Variants in GRID2IP observed in about 807,000 individuals in gnomAD.
GRID2IP encodes delphilin.
A neutral mutation model predicts 114.3 loss-of-function variants in GRID2IP; 78 were observed. That is an observed-to-expected ratio of 0.68 (90% CI 0.57 to 0.82). The LOEUF is 0.82. GRID2IP is among the 40% of genes least tolerant of loss of function. The pLI, the probability that GRID2IP is intolerant of heterozygous loss-of-function variation, is 0.00. For synonymous variants in GRID2IP, 809 were observed against 724.0 expected (o/e 1.12, Z -1.89); for missense variants, 1,727 against 1,678.5 (o/e 1.03, Z -0.51).
At chr7:6,510,457 T>C (rs753832350) in intron 10 of GRID2IP, 57 bp from the exon 11 acceptor site, 4 of 1,403,778 alleles carry the variant, frequency 2.8e-6, no homozygotes, top group East Asian at 2.6e-5. Flanking sequence ...AGCCCTAATG[T>C]GGTCCAGGCC....
chr7:6,519,450 C>CTT lies in GRID2IP; in HGVS notation c.1268+1126_1268+1127dup, dbSNP rs980401873. 1.3e-5 allele frequency among the ~76,000 whole-genome samples: 2 copies of CTT among 152,138 alleles called. No individual in the cohort carries two copies. Among genetic ancestry groups the CTT allele is most frequent in the African/African-American group, 4.8e-5 (2 of 41,522 alleles). On this transcript the variant is annotated intron_variant, in intron 7 of 21. Coordinates refer to ENST00000457091, the MANE Select transcript of GRID2IP (RefSeq NM_001145118.2). The surrounding 1 kb of genome is among the most constrained non-coding windows in gnomAD (Gnocchi z 4.1). ...GGGTAACATAGTGAGACCTCCCCAT[C>CTT]TTTTTTAAAAAACAAAACCAAACCA...
Position 6,508,064 on chromosome 7 carries a change from C to G in GRID2IP, c.2465G>C (p.Arg822Pro), listed in dbSNP as rs1366413255. The G allele has an allele frequency of 3.9e-6, 6 of 1,545,574 alleles. No homozygotes were observed. Among genetic ancestry groups the G allele is most frequent in the Non-Finnish European group, 5.2e-6 (6 of 1,145,580 alleles). ...PMLSRGLGHR[R>P]SETSHMSVKR... The stretch of plus-strand genomic sequence containing the variant: ...GACGCTCATGTGGCTGGTCTCACTG[C>G]GCCGGTGGCCCAGGCCCCGGGACAG... Residue 822 changes from arginine to proline, a missense_variant, in exon 13 of 22, where the codon CGC (arginine) becomes CCC (proline). Coordinates refer to ENST00000457091, the MANE Select transcript of GRID2IP (RefSeq NM_001145118.2). The surrounding 1 kb of genome is among the most constrained non-coding windows in gnomAD (Gnocchi z 5.6).
rs967350537 is a variant in GRID2IP, at chr7:6,551,166, G to A, written c.271C>T (p.Pro91Ser). The part of the protein sequence containing the change: ...VLPAPDGGPG[P>S]GSGPAAPTTV... The stretch of plus-strand genomic sequence containing the variant: ...GTCGGGGCCGCGGGGCCGGATCCTG[G>A]GCCGGGGCCACCGTCGGGAGCCGGG... Residue 91 changes from proline (P) to serine (S), a missense_variant, in exon 1 of 22, where the codon CCA becomes TCA. Pro to Ser is a moderately conservative substitution (Grantham distance 74). Transcript: ENST00000457091. The A allele has an allele frequency of 2.9e-6, 4 of 1,357,550 alleles. No homozygotes were observed. The highest frequency in any genetic ancestry group is 3.8e-6 in the Non-Finnish European group (4 of 1,063,204). The allele number at this position is 1,357,550 out of a possible 1,614,324, so 84.1% of individuals were successfully genotyped here. A position where few individuals can be genotyped will look rare whatever the true frequency, so the allele number is the denominator to read the frequency against.
intron 1 of GRID2IP, among the ~76,000 whole-genome samples, chr7:6,545,843 G>T (rs189021283): frequency 1.3e-5 from 2 of 152,206 alleles, no homozygotes; most frequent in African/African-American, 4.8e-5. Flanking sequence ...AGCACCAGCC[G>T]CCCCCTCCCC....
intron 2 of GRID2IP, among the ~76,000 whole-genome samples, chr7:6,535,174 C>T (rs553441581): frequency 5.3e-5 from 8 of 151,972 alleles, no homozygotes; most frequent in African/African-American, 1.2e-4. Context: ...TGTGAGCCAC[C>T]GCGCCGGGCC....
intron 2 of GRID2IP, among the ~76,000 whole-genome samples, chr7:6,530,052 G>C (rs1475219601): frequency 6.6e-6 from 1 of 151,080 alleles, no homozygotes; most frequent in Non-Finnish European, 1.5e-5. Context: ...TCCGCCTCCA[G>C]GATTCATGCC....
chr7:6,506,617 T>C lies in GRID2IP; in HGVS notation c.2545-710A>G, dbSNP rs1270484242. On this transcript the variant is annotated intron_variant, in intron 13 of 21. Coordinates refer to ENST00000457091, the MANE Select transcript of GRID2IP (RefSeq NM_001145118.2). This position sits in a 1 kb window ranked among gnomAD's most constrained non-coding sequence, Gnocchi z 5.2. ...CAATACTTGAAGATCGGTCCAAGGCTGGCAGGAGTGAGGTCTCCAGGGGAC... is the reference window on the plus strand; with the variant it reads ...CAATACTTGAAGATCGGTCCAAGGCCGGCAGGAGTGAGGTCTCCAGGGGAC... Among the ~76,000 whole-genome samples the C allele has an allele frequency of 6.6e-6, 1 of 151,268 alleles. No individual in the cohort carries two copies. Among genetic ancestry groups the C allele is most frequent in the African/African-American group, 2.4e-5 (1 of 41,160 alleles).
chr7:6,529,961 C>CTCTT (rs755576759), intron 2 of GRID2IP, among the ~76,000 whole-genome samples: 1 of 111,836 alleles, frequency 8.9e-6, no homozygotes, highest in African/African-American at 4.0e-5. Flanking sequence ...CTCTCTCTCT[C>CTCTT]TTTTTTTTTT....
At position 6,526,289 on chromosome 7, in the gene GRID2IP, C is replaced by G. The variant is rs777418726; in HGVS notation, c.854G>C (p.Gly285Ala). Residue 285 changes from glycine to alanine, a missense_variant, in exon 4 of 22, where the codon GGC becomes GCC. By Grantham distance (60) the Gly-to-Ala change is moderately conservative (BLOSUM62 0). Coordinates refer to ENST00000457091, the MANE Select transcript of GRID2IP (RefSeq NM_001145118.2). The surrounding 1 kb of genome is among the most constrained non-coding windows in gnomAD (Gnocchi z 7.6). ...GARRTVRVYK[G>A]NKSFGFTLRG... is the part of the protein sequence containing the mutation. The stretch of plus-strand genomic sequence containing the variant: ...AAGTGTGAAGCCGAAGCTCTTGTTG[C>G]CTTTGTAGACTCGGACAGTCCTGGG... The G allele has an allele frequency of 1.6e-5, 25 of 1,551,998 alleles. No homozygotes were observed. The highest frequency in any genetic ancestry group is 1.8e-5 in the Non-Finnish European group (21 of 1,147,060).
rs900114249 is a variant in GRID2IP at position 6,521,350 on chromosome 7, C to T, written c.1084+79G>A. ...GGTTTAGGGGAAGAGCTGAGTCCTC[C>T]GCACTGTGACTCTCACATATAGCAG... On this transcript the variant is annotated intron_variant, in intron 6 of 21. Transcript: ENST00000457091. The surrounding 1 kb of genome is among the most constrained non-coding windows in gnomAD (Gnocchi z 4.1). The T allele has an allele frequency of 1.7e-5, 18 of 1,038,846 alleles. No individual in the cohort carries two copies. The highest frequency in any genetic ancestry group is 2.5e-5 in the Admixed American group (1 of 39,622). 64.4% of individuals were successfully genotyped at this position (1,038,846 alleles called of 1,614,324 possible).
chr7:6,541,055 T>C (rs1310301172), intron 1 of GRID2IP, among the ~76,000 whole-genome samples: 1 of 150,264 alleles, frequency 6.7e-6, no homozygotes, highest in Admixed American at 7.0e-5. Context: ...CTAATTAAAT[T>C]TTTTTTTTCT....
rs760004265 is a variant in GRID2IP, at chr7:6,510,412, C to T, written c.1654-12G>A. ...TAGACGGCTGACATCTGGAGGGAGA[C>T]GGGGGAGAGTCCAGCCCATTCTGCT... On this transcript the variant is annotated splice_polypyrimidine_tract_variant and intron_variant, in intron 10 of 21. Coordinates refer to ENST00000457091, the MANE Select transcript of GRID2IP (RefSeq NM_001145118.2). 27 of 1,507,270 alleles carry T rather than the reference C, an allele frequency of 1.8e-5. No homozygotes were observed. Among genetic ancestry groups the T allele is most frequent in the East Asian group, 1.0e-4 (4 of 39,850 alleles). 93.4% of individuals were successfully genotyped at this position (1,507,270 alleles called of 1,614,324 possible). A position where few individuals can be genotyped will look rare whatever the true frequency, so the allele number is the denominator to read the frequency against.
chr7:6,533,674 CTTTTT>C (rs1179952257), intron 2 of GRID2IP, among the ~76,000 whole-genome samples: 2 of 135,500 alleles, frequency 1.5e-5, no homozygotes, highest in African/African-American at 5.5e-5. Context: ...CATTTTTAAA[CTTTTT>C]TTTTTTTTTT....
intron 14 of GRID2IP, 78 bp downstream of exon 14, chr7:6,505,741 GC>G: frequency 1.1e-6 from 1 of 884,676 alleles, no homozygotes; most frequent in Non-Finnish European, 1.8e-6. Flanking sequence ...AGTCAGTGCA[GC>G]CCTGGGAGAT....
At position 6,509,997 on chromosome 7, in the gene GRID2IP, T is replaced by G. The variant is rs1786720364; in HGVS notation, c.1771+286A>C. On this transcript the variant is annotated intron_variant, in intron 11 of 21. Transcript: ENST00000457091. The surrounding 1 kb of genome is among the most constrained non-coding windows in gnomAD (Gnocchi z 4.9). ...GCATATGCAACCATGCCCAGCTAAT[T>G]TTGTATTTTTTTTGTTAGAGATGGG... 6.6e-6 allele frequency among the ~76,000 whole-genome samples: 1 copy of G among 152,054 alleles called. No homozygotes were observed. Among genetic ancestry groups the G allele is most frequent in the South Asian group, 2.1e-4 (1 of 4,830 alleles).
rs1583336976 is a variant in GRID2IP, at chr7:6,509,395, C to T, written c.1772-82G>A. 1.6e-6 allele frequency: 2 copies of T among 1,259,354 alleles called. No individual in the cohort carries two copies. Among genetic ancestry groups the T allele is most frequent in the East Asian group, 2.8e-5 (1 of 35,100 alleles). The allele number at this position is 1,259,354 out of a possible 1,614,324, so 78.0% of individuals were successfully genotyped here. ...GCAAGCTGGAGAGAGGGTCCTAGGACAGACTGGCTCTGTGTCCCAGGCCAC... is the reference window on the plus strand; with the variant it reads ...GCAAGCTGGAGAGAGGGTCCTAGGATAGACTGGCTCTGTGTCCCAGGCCAC... On this transcript the variant is annotated intron_variant, in intron 11 of 21. Transcript: ENST00000457091. The surrounding 1 kb of genome is among the most constrained non-coding windows in gnomAD (Gnocchi z 4.9).
Position 6,502,107 on chromosome 7 carries a change from G to A in GRID2IP, c.3162C>T (p.Thr1054=). Reference sequence around the variant, plus strand: ...AGGTGGACTTCCCATCCACTGTCTTGGTGGAGTTCAGCTGCAAGTGACCCC... The same window carrying A: ...AGGTGGACTTCCCATCCACTGTCTTAGTGGAGTTCAGCTGCAAGTGACCCC... ...KINFLTELNS[T]KTVDGKSTFL... Residue 1054 remains threonine, a synonymous_variant, in exon 19 of 22, where the codon ACC becomes ACT. Coordinates refer to ENST00000457091, the MANE Select transcript of GRID2IP (RefSeq NM_001145118.2). The A allele has an allele frequency of 1.9e-6, 3 of 1,551,324 alleles. No individual in the cohort carries two copies. Among genetic ancestry groups the A allele is most frequent in the African/African-American group, 1.4e-5 (1 of 73,146 alleles).
intron 1 of GRID2IP, 28 bp downstream of exon 1, chr7:6,550,980 G>GGACCCC: frequency 3.6e-6 from 2 of 550,068 alleles, no homozygotes; most frequent in Non-Finnish European, 4.6e-6. Flanking sequence ...CCTCCTTCCC[G>GGACCCC]CCCCCACCTC....
In GRID2IP at chr7:6,508,815, G is replaced by C. The variant is rs1038494112; in HGVS notation, c.2127+143C>G. ...TAGGGTAACCTGGGGCAAGGGGTGG[G>C]ATAGCTTGAGCTAGGGAGTGGGATA... On this transcript the variant is annotated intron_variant, in intron 12 of 21. Coordinates refer to ENST00000457091, the MANE Select transcript of GRID2IP (RefSeq NM_001145118.2). The surrounding 1 kb of genome is among the most constrained non-coding windows in gnomAD (Gnocchi z 5.6). 7.6e-7 allele frequency: 1 copy of C among 1,312,424 alleles called. No homozygotes were observed. The highest frequency in any genetic ancestry group is 1.0e-6 in the Non-Finnish European group (1 of 985,270). 81.3% of individuals were successfully genotyped at this position (1,312,424 alleles called of 1,614,324 possible).
Sources: gnomAD v4.1 joint callset for allele counts (sites outside exome capture counted in the v4.1 genomes callset) on GRCh38, gnomAD v4.1.1 for gene constraint, Gnocchi (gnomAD v3.1) non-coding constraint, MANE v1.5 for transcripts, NCBI Gene and HGNC (gene_info 2026-07-23, HGNC 2026-07-21) for gene names.